Variants in CRYBG1 observed in about 807,000 individuals in gnomAD.
The protein encoded by CRYBG1 is beta/gamma crystallin domain-containing protein 1.
A neutral mutation model predicts 189.2 loss-of-function variants in CRYBG1; 139 were observed. The observed-to-expected ratio is 0.73, with a 90% CI of 0.64 to 0.85. The LOEUF is 0.85. Among genes scored for constraint, CRYBG1 ranks in the 40% least tolerant of loss-of-function variants. The probability of loss-of-function intolerance (pLI) is 0.00; values close to 1 mark genes in which losing one functional copy is unlikely to be tolerated. For synonymous variants in CRYBG1, 1,023 were observed against 1,017.1 expected (o/e 1.01, Z -0.11); for missense variants, 2,611 against 2,675.8 (o/e 0.98, Z 0.53).
In CRYBG1 at chr6:106,511,735, C is replaced by A. The variant is rs1251813331; in HGVS notation, c.618C>A (p.Pro206=). The change falls in exon 3 of 22, where the codon CCC becomes CCA. Residue 206 remains proline, a synonymous_variant. Transcript: ENST00000633556. ...CCGAGAGCGGTGGCCCCGCAGCCCC[C>A]CCTGACGCCGAGCTGTCACCTCGCT... The part of the protein sequence containing the change: ...ELPESGGPAA[P]PDAELSPRWS... The A allele has an allele frequency of 2.6e-6, 4 of 1,535,392 alleles. No homozygotes were observed. Among genetic ancestry groups the A allele is most frequent in the South Asian group, 2.4e-5 (2 of 84,010 alleles).
At chr6:106,395,379 C>T (rs1182651809) in intron 1 of CRYBG1, among the ~76,000 whole-genome samples, 1 of 151,264 alleles carries the variant, frequency 6.6e-6, no homozygotes, top group Non-Finnish European at 1.5e-5. Context: ...TTTGCTTCCT[C>T]CTCATTTGTT....
At chr6:106,441,905 T>A (rs1485538103) in intron 1 of CRYBG1, among the ~76,000 whole-genome samples, 1 of 152,230 alleles carries the variant, frequency 6.6e-6, no homozygotes, top group Non-Finnish European at 1.5e-5. Flanking sequence ...ATCTCTCTCA[T>A]ATTGAAAATG....
At chr6:106,431,632 G>T (rs1169108298) in intron 1 of CRYBG1, among the ~76,000 whole-genome samples, 1 of 152,156 alleles carries the variant, frequency 6.6e-6, no homozygotes, top group Non-Finnish European at 1.5e-5. Context: ...TCTACCCGTA[G>T]GTGGACAGAC....
At chr6:106,539,339 G>A (rs1774077369) in intron 8 of CRYBG1, 64 bp from the exon 9 acceptor site, 1 of 1,588,240 alleles carries the variant, frequency 6.3e-7, no homozygotes, top group Non-Finnish European at 8.6e-7. Context: ...GTACCAGACA[G>A]AAGGAAAAAC....
chr6:106,495,310 T>C (rs1371474470), intron 2 of CRYBG1, among the ~76,000 whole-genome samples: 1 of 152,022 alleles, frequency 6.6e-6, no homozygotes, highest in Non-Finnish European at 1.5e-5. Flanking sequence ...CAAGGGTAAT[T>C]TGAGAAGTAA....
chr6:106,553,626 T>C (rs1774461408), intron 16 of CRYBG1, 59 bp downstream of exon 16: 3 of 1,149,832 alleles, frequency 2.6e-6, no homozygotes, highest in South Asian at 2.5e-5. Flanking sequence ...AATTCACACA[T>C]CAGCAAGTAT....
intron 20 of CRYBG1, among the ~76,000 whole-genome samples, chr6:106,562,735 C>T (rs893587173): frequency 6.6e-6 from 1 of 152,242 alleles, no homozygotes; most frequent in African/African-American, 2.4e-5. Context: ...GATCCACCTG[C>T]CTTGGCCTCC....
chr6:106,415,315 A>G (rs917911957), intron 1 of CRYBG1, among the ~76,000 whole-genome samples: 1 of 152,244 alleles, frequency 6.6e-6, no homozygotes, highest in African/African-American at 2.4e-5. Context: ...AGTGCCTTTA[A>G]TAAGTCTGTT....
Position 106,527,425 on chromosome 6 carries a change from G to A in CRYBG1, c.4533G>A (p.Glu1511=), listed in dbSNP as rs1432037051. 1 of 1,613,554 alleles carries A rather than the reference G, an allele frequency of 6.2e-7. No homozygotes were observed. The highest frequency in any genetic ancestry group is 8.5e-7 in the Non-Finnish European group (1 of 1,179,730). The change falls in exon 7 of 22, where the codon GAG becomes GAA. Residue 1511 remains glutamate (E), a synonymous_variant. Transcript: ENST00000633556. The stretch of plus-strand genomic sequence containing the variant: ...TTTTGGAAAGGCACGAAGAAGCAGA[G>A]TCTGATAAGCCAGTGGTGATTGGTT... ...EDILERHEEA[E]SDKPVVIGSI...
intron 9 of CRYBG1, among the ~76,000 whole-genome samples, chr6:106,539,814 C>A (rs959121884): frequency 1.3e-5 from 2 of 151,546 alleles, no homozygotes; most frequent in Non-Finnish European, 2.9e-5. Context: ...GTAGGTTTAA[C>A]AAGTGAGGAA....
chr6:106,530,288 C>T lies in CRYBG1; in HGVS notation c.4691C>T (p.Thr1564Ile). Residue 1564 changes from threonine (T) to isoleucine (I), a missense_variant, in exon 8 of 22, where the codon ACT (threonine) becomes ATT (isoleucine). Thr to Ile is a moderately conservative substitution (Grantham distance 89, BLOSUM62 -1). Transcript: ENST00000633556. Reference protein sequence around the residue: ...EMQGFGVMQKTCSMKVHWGTW... With the variant: ...EMQGFGVMQKICSMKVHWGTW... ...CAGGGATTTGGTGTAATGCAGAAGA[C>T]TTGTTCCATGAAAGTACATTGGGGC... The T allele has an allele frequency of 1.2e-6, 2 of 1,608,950 alleles. No individual in the cohort carries two copies. The highest frequency in any genetic ancestry group is 8.5e-7 in the Non-Finnish European group (1 of 1,178,196).
At chr6:106,515,822 T>C (rs577184120) in intron 3 of CRYBG1, among the ~76,000 whole-genome samples, 1 of 151,848 alleles carries the variant, frequency 6.6e-6, no homozygotes, top group South Asian at 2.1e-4. Flanking sequence ...AGACAGGATC[T>C]CACTCTGTTA....
Position 106,511,577 on chromosome 6 carries a change from G to A in CRYBG1, c.460G>A (p.Val154Met). ...SNAKPLSPKDVVASPKLPERE... is the reference protein window; with the variant it reads ...SNAKPLSPKDMVASPKLPERE... ...TGCCAAACCACTCTCTCCCAAAGAT[G>A]TGGTAGCCTCTCCTAAGCTCCCAGA... Residue 154 changes from valine (V) to methionine (M), a missense_variant, in exon 3 of 22, where the codon GTG becomes ATG. By Grantham distance (21) the Val-to-Met change is conservative. Around this residue, in one of 3 missense-constraint regions of CRYBG1, gnomAD observed 985 missense variants for 924.4 expected, o/e 1.07. Coordinates refer to ENST00000633556, the MANE Select transcript of CRYBG1 (RefSeq NM_001371242.2). The A allele has an allele frequency of 4.6e-6, 7 of 1,535,862 alleles. No homozygotes were observed. The highest frequency in any genetic ancestry group is 6.1e-6 in the Non-Finnish European group (7 of 1,146,708).
intron 18 of CRYBG1, among the ~76,000 whole-genome samples, chr6:106,559,951 C>T (rs560142208): frequency 5.3e-5 from 8 of 151,056 alleles, no homozygotes; most frequent in South Asian, 2.1e-4. Context: ...AAAAATTAGT[C>T]GGGTGTGGTG....
rs757885943 is a variant in CRYBG1 at position 106,513,026 on chromosome 6, A to T, written c.1909A>T (p.Thr637Ser). The part of the protein sequence containing the change: ...HFGVGRSTVT[T>S]KVTLPAKPKH... ...CGGCGTGGGCAGGTCGACAGTGACC[A>T]CTAAAGTGACCCTGTAAGTAGCCGC... Residue 637 changes from threonine to serine, a missense_variant, in exon 3 of 22, where the codon ACT (threonine) becomes TCT (serine). Thr to Ser is a moderately conservative substitution (Grantham distance 58, BLOSUM62 1). Coordinates refer to ENST00000633556, the MANE Select transcript of CRYBG1 (RefSeq NM_001371242.2). 6.2e-7 allele frequency: 1 copy of T among 1,602,990 alleles called. No individual in the cohort carries two copies. The highest frequency in any genetic ancestry group is 1.3e-5 in the African/African-American group (1 of 74,898).
intron 2 of CRYBG1, among the ~76,000 whole-genome samples, chr6:106,483,288 C>T (rs1437567704): frequency 6.6e-6 from 1 of 151,074 alleles, no homozygotes; most frequent in Non-Finnish European, 1.5e-5. Context: ...AATATGATAT[C>T]TTCTGGGTCC....
intron 13 of CRYBG1, among the ~76,000 whole-genome samples, chr6:106,548,227 G>C (rs1302389241): frequency 6.6e-6 from 1 of 152,160 alleles, no homozygotes; most frequent in Non-Finnish European, 1.5e-5. Flanking sequence ...AGTGTAAGTT[G>C]TAAGTAGACT....
At chr6:106,468,634 G>GACAA (rs1772160805) in intron 2 of CRYBG1, among the ~76,000 whole-genome samples, 1 of 152,202 alleles carries the variant, frequency 6.6e-6, no homozygotes, top group Admixed American at 6.5e-5. Context: ...AGGCTGCAGT[G>GACAA]AGCCATGATA....
chr6:106,521,569 T>G, intron 4 of CRYBG1, 116 bp downstream of exon 4: 2 of 1,195,446 alleles, frequency 1.7e-6, no homozygotes, highest in East Asian at 4.8e-5. Context: ...GCTATAGTTT[T>G]TATTCATTCA....
Sources: gnomAD v4.1 joint callset for allele counts (sites outside exome capture counted in the v4.1 genomes callset) on GRCh38, gnomAD v4.1.1 for gene constraint, gnomAD v4.1.1 regional missense constraint, MANE v1.5 for transcripts, NCBI Gene and HGNC (gene_info 2026-07-23, HGNC 2026-07-21) for gene names.